Variants in RILPL1 observed in about 807,000 individuals in gnomAD.
RILPL1 encodes the protein RILP-like protein 1.
In RILPL1, 33 loss-of-function variants were observed where a neutral mutation model predicts 50.3. That is an observed-to-expected ratio of 0.66 (90% confidence interval 0.50 to 0.88). The LOEUF is 0.88. Among genes scored for constraint, RILPL1 ranks in the 40% least tolerant of loss-of-function variants. RILPL1 has a pLI of 0.00. For missense variants in RILPL1, 418 were observed against 542.5 expected, an observed-to-expected ratio of 0.77 and a Z score of 2.28; for synonymous variants, 205 against 228.6, an observed-to-expected ratio of 0.90 and a Z score of 0.93.
chr12:123,475,604 C>G lies in RILPL1; in HGVS notation c.1068-2922G>C. On this transcript the variant is annotated intron_variant, in intron 6 of 6. Transcript: ENST00000376874. ...GAGACAGGTCAGCCCCAGCAGTAGC[C>G]GAAGCAGACATTCCAAGGGGGCAGC... 4 of 1,143,450 alleles carry G rather than the reference C, an allele frequency of 3.5e-6. No homozygotes were observed. In the South Asian group the frequency reaches 5.2e-5, roughly 15 times the overall value. 70.8% of individuals were successfully genotyped at this position (1,143,450 alleles called of 1,614,324 possible). A position where few individuals can be genotyped will look rare whatever the true frequency, so the allele number is the denominator to read the frequency against.
rs1465278727 is a variant in RILPL1 at position 123,472,340 on chromosome 12, G to A, written c.*198C>T. ...TCTATTAGAAACAGTGATAGCCCTG[G>A]GTATAAATAAACATTTCTTTAGAGT... On this transcript the variant is annotated 3_prime_UTR_variant, in exon 7 of 7. Coordinates refer to ENST00000376874, the MANE Select transcript of RILPL1 (RefSeq NM_178314.5). The A allele has an allele frequency of 1.7e-6, 1 of 575,842 alleles. No homozygotes were observed. The highest frequency in any genetic ancestry group is 2.8e-5 in the East Asian group (1 of 35,268). The allele number at this position is 575,842 out of a possible 1,614,324, so 35.7% of individuals were successfully genotyped here.
At position 123,485,877 on chromosome 12, in the gene RILPL1, A is replaced by G; in HGVS notation, c.802-72T>C. The G allele has an allele frequency of 6.9e-7, 1 of 1,458,256 alleles. No homozygotes were observed. The highest frequency in any genetic ancestry group is 9.1e-7 in the Non-Finnish European group (1 of 1,100,224). 90.3% of individuals were successfully genotyped at this position (1,458,256 alleles called of 1,614,324 possible). A position where few individuals can be genotyped will look rare whatever the true frequency, so the allele number is the denominator to read the frequency against. On this transcript the variant is annotated intron_variant, in intron 4 of 6. Coordinates refer to ENST00000376874, the MANE Select transcript of RILPL1 (RefSeq NM_178314.5). This position sits in a 1 kb window ranked among gnomAD's most constrained non-coding sequence, Gnocchi z 4.0. ...CAGCACCCACTCTCTATCCTGAAGG[A>G]GCCCAAATTCTCCCCCTCCCGGGGT...
At chr12:123,508,057 C>A (rs1283651225) in intron 2 of RILPL1, among the ~76,000 whole-genome samples, 7 of 151,080 alleles carry the variant, frequency 4.6e-5, no homozygotes, top group African/African-American at 1.7e-4. Context: ...TTCCAAAAAT[C>A]AGACAGTAGT....
chr12:123,510,037 T>C (rs1415596000), intron 2 of RILPL1, among the ~76,000 whole-genome samples: 16 of 152,206 alleles, frequency 1.1e-4, no homozygotes, highest in Non-Finnish European at 7.3e-5. Context: ...CCCTGGACCC[T>C]TGGGGAGCCC....
At chr12:123,502,242 T>A (rs950082377) in intron 2 of RILPL1, among the ~76,000 whole-genome samples, 5 of 152,240 alleles carry the variant, frequency 3.3e-5, no homozygotes, top group Admixed American at 6.5e-5. Flanking sequence ...GAAATATTAA[T>A]AATTATACTT....
At chr12:123,494,568 C>A (rs1373899055) in intron 4 of RILPL1, among the ~76,000 whole-genome samples, 3 of 152,172 alleles carry the variant, frequency 2.0e-5, no homozygotes, top group Non-Finnish European at 1.5e-5. Flanking sequence ...GTGGGCCAGG[C>A]CCTGCCTGGC....
At chr12:123,512,824 T>C (rs2139368615) in intron 2 of RILPL1, among the ~76,000 whole-genome samples, 1 of 145,412 alleles carries the variant, frequency 6.9e-6, no homozygotes, top group African/African-American at 2.6e-5. Context: ...TCTGTGTATG[T>C]GTGAGGTCTG....
At chr12:123,497,621 A>C (rs1310614026) in intron 4 of RILPL1, among the ~76,000 whole-genome samples, 1 of 151,972 alleles carries the variant, frequency 6.6e-6, no homozygotes, top group Non-Finnish European at 1.5e-5. Flanking sequence ...TGAACTCCTG[A>C]CCTCAAGTCA....
At chr12:123,496,208 T>C (rs1883022750) in intron 4 of RILPL1, among the ~76,000 whole-genome samples, 1 of 151,862 alleles carries the variant, frequency 6.6e-6, no homozygotes, top group African/African-American at 2.4e-5. Context: ...GAGATGGGGC[T>C]TCACCATATT....
chr12:123,487,358 A>G (rs1882410986), intron 4 of RILPL1, among the ~76,000 whole-genome samples: 1 of 151,850 alleles, frequency 6.6e-6, no homozygotes, highest in South Asian at 2.1e-4. Flanking sequence ...GCTGGAGTGC[A>G]ATGGCACGAT....
chr12:123,523,342 T>C (rs1291419669), intron 2 of RILPL1, among the ~76,000 whole-genome samples, 153 bp downstream of exon 2: 1 of 152,154 alleles, frequency 6.6e-6, no homozygotes, highest in African/African-American at 2.4e-5. Flanking sequence ...TCTGGCAGGG[T>C]TATGGTGCAA....
intron 2 of RILPL1, among the ~76,000 whole-genome samples, chr12:123,511,354 C>CTG (rs1243658942): frequency 9.5e-6 from 1 of 105,454 alleles, no homozygotes. Context: ...AATGTGAGGT[C>CTG]TGTGTGTGGT....
At chr12:123,525,872 T>C (rs138103615) in intron 1 of RILPL1, among the ~76,000 whole-genome samples, 3 of 151,926 alleles carry the variant, frequency 2.0e-5, no homozygotes, top group African/African-American at 7.2e-5. Flanking sequence ...ATGAGTGTTA[T>C]GGTATCTGAA....
intron 2 of RILPL1, among the ~76,000 whole-genome samples, chr12:123,508,988 C>T (rs1397516054): frequency 3.3e-5 from 5 of 152,118 alleles, no homozygotes; most frequent in Admixed American, 2.0e-4. Context: ...GAGTTGGAGA[C>T]CAACCTGGTC....
Position 123,533,638 on chromosome 12 carries a change from GCGGGCGCGGGCA to G in RILPL1, c.-168_-157del. On this transcript the variant is annotated 5_prime_UTR_variant, in exon 1 of 7. Transcript: ENST00000376874. The surrounding 1 kb of genome is among the most constrained non-coding windows in gnomAD (Gnocchi z 6.2). ...GCGCAGCGGGCAGCGGGCGGCGGGC[GCGGGCGCGGGCA>G]CGGGCGGCGGCGCGGGGTGTGCGGG... 1.5e-5 allele frequency: 5 copies of G among 339,292 alleles called. No homozygotes were observed. The highest frequency in any genetic ancestry group is 2.1e-5 in the Non-Finnish European group (5 of 242,266). The allele number at this position is 339,292 out of a possible 1,614,324, so 21.0% of individuals were successfully genotyped here.
At chr12:123,484,872 C>T in intron 5 of RILPL1, 1 of 253,640 alleles carries the variant, frequency 3.9e-6, no homozygotes, top group Non-Finnish European at 8.1e-6. Flanking sequence ...GTTGCCCAGG[C>T]TGGTTTCGAG....
chr12:123,523,440 G>A, intron 2 of RILPL1, 55 bp downstream of exon 2: 1 of 1,605,848 alleles, frequency 6.2e-7, no homozygotes, highest in South Asian at 1.1e-5. Flanking sequence ...CGCTGATGTG[G>A]GCAATAAGAA....
At chr12:123,516,104 G>A (rs75722792) in intron 2 of RILPL1, among the ~76,000 whole-genome samples, 25,779 of 148,776 alleles carry the variant, frequency 0.17, 2,414 homozygotes, top group Middle Eastern at 0.25. Context: ...CTCACTGCTA[G>A]TTAGTGGTCA....
rs1883232254 is a variant in RILPL1, at chr12:123,499,451, C to T, written c.546G>A (p.Arg182=). ...KQRDEIRAKD[R]ELGLKNEDVE... is the part of the protein sequence containing the mutation. The stretch of plus-strand genomic sequence containing the variant: ...CGTCCTCATTTTTCAGGCCCAGCTC[C>T]CTGTCCTTGGCGCGGATCTCGTCGC... The change falls in exon 3 of 7, where the codon AGG becomes AGA. Residue 182 remains arginine (R), a synonymous_variant. Coordinates refer to ENST00000376874, the MANE Select transcript of RILPL1 (RefSeq NM_178314.5). 1 of 1,613,868 alleles carries T rather than the reference C, an allele frequency of 6.2e-7. No individual in the cohort carries two copies. The highest frequency in any genetic ancestry group is 2.2e-5 in the East Asian group (1 of 44,896).
Sources: allele counts gnomAD v4.1 joint callset (sites outside exome capture counted in the v4.1 genomes callset), GRCh38; gene constraint gnomAD v4.1.1; non-coding constraint Gnocchi (gnomAD v3.1); transcripts MANE v1.5; gene names NCBI Gene and HGNC (gene_info 2026-07-23, HGNC 2026-07-21).